CTTN: variants seen among roughly 807,000 people sequenced by gnomAD.
The protein encoded by CTTN is src substrate cortactin.
A neutral mutation model predicts 84.0 loss-of-function variants in CTTN; 28 were observed. The ratio of observed to expected loss-of-function variants is 0.33; its 90% CI spans 0.25 to 0.46. CTTN has a LOEUF of 0.46. Among genes scored for constraint, CTTN ranks in the 20% least tolerant of loss-of-function variants. The pLI is 1.00. For missense variants in CTTN, 641 were observed against 723.8 expected, an observed-to-expected ratio of 0.89 and a Z score of 1.31; for synonymous variants, 301 against 288.8, an observed-to-expected ratio of 1.04 and a Z score of -0.43.
intron 4 of CTTN, chr11:70,408,005 G>T (rs1224689863): frequency 2.3e-5 from 4 of 175,168 alleles, no homozygotes; most frequent in Non-Finnish European, 4.9e-5. Context: ...ATCTGGAAAT[G>T]ATTATGTGTT....
chr11:70,417,159 G>GCTCCAGAAACACCCA (rs745630985), intron 8 of CTTN, 36 bp downstream of exon 8: 5 of 1,532,264 alleles, frequency 3.3e-6, no homozygotes, highest in African/African-American at 1.4e-5. Flanking sequence ...TCACGCGTTT[G>GCTCCAGAAACACCCA]CTCCAGAAAC....
chr11:70,402,604 G>A (rs1036968578), intron 1 of CTTN, among the ~76,000 whole-genome samples: 4 of 152,204 alleles, frequency 2.6e-5, no homozygotes, highest in Admixed American at 1.3e-4. Flanking sequence ...TCTTTTGTGC[G>A]TGGTTTTCCT....
At position 70,433,166 on chromosome 11, in the gene CTTN, C is replaced by T. The variant is rs73518300; in HGVS notation, c.1332C>T (p.Pro444=). The T allele has an allele frequency of 3.4e-4, 543 of 1,613,738 alleles. 4 individuals are homozygous for T. In the African/African-American group the frequency reaches 6.4e-3, roughly 19 times the overall value. ...RGPVSGTEPE[P]VYSMEAADYR... ...CTGTGAGTGGGACGGAGCCGGAGCC[C>T]GTGTACAGCATGGAGGCCGCTGACT... The change falls in exon 16 of 18, where the codon CCC becomes CCT. Residue 444 remains proline (P), a synonymous_variant. Transcript: ENST00000301843.
chr11:70,422,670 GCTGCCCGCCGCCCCTCCTGCCCCTC>G, intron 11 of CTTN: 1 of 1,411,318 alleles, frequency 7.1e-7, no homozygotes. Flanking sequence ...GCTCCTGCCT[GCTGCCCGCCGCCCCTCCTGCCCCTC>G]CTGCCCCTCA....
chr11:70,422,975 C>T lies in CTTN; in HGVS notation c.937C>T (p.Gln313Ter). The change falls in exon 12 of 18, where the codon CAG (glutamine) becomes TAG (stop). Residue 313 changes from glutamine to a stop codon, truncating the protein, a stop_gained. Transcript: ENST00000301843. LOFTEE classifies it high-confidence loss of function. The stretch of plus-strand genomic sequence containing the variant: ...AGGATTCGGCGGGAAGTATGGGGTG[C>T]AGAAGGATCGGATGGATAAGGTAAA... ...SKGFGGKYGV[Q>*]KDRMDKNAST... is the part of the protein sequence containing the mutation. The T allele has an allele frequency of 6.2e-7, 1 of 1,613,916 alleles. No homozygotes were observed. The highest frequency in any genetic ancestry group is 8.5e-7 in the Non-Finnish European group (1 of 1,179,982).
At chr11:70,430,393 C>T (rs2058341599) in intron 14 of CTTN, among the ~76,000 whole-genome samples, 1 of 152,252 alleles carries the variant, frequency 6.6e-6, no homozygotes, top group Non-Finnish European at 1.5e-5. Flanking sequence ...GGTCAGAGGT[C>T]CTCAAAGATG....
At chr11:70,422,257 A>G in intron 11 of CTTN, 1 of 347,866 alleles carries the variant, frequency 2.9e-6, no homozygotes. Flanking sequence ...ATAATTGGAA[A>G]AACAGTAATT....
chr11:70,401,358 C>G (rs1167136804), intron 1 of CTTN, among the ~76,000 whole-genome samples: 1 of 152,044 alleles, frequency 6.6e-6, no homozygotes, highest in African/African-American at 2.4e-5. Flanking sequence ...TGCCTGTAGT[C>G]CCAGCCACTC....
intron 14 of CTTN, among the ~76,000 whole-genome samples, chr11:70,429,765 C>T (rs1162019158): frequency 2.6e-5 from 4 of 152,180 alleles, no homozygotes; most frequent in Non-Finnish European, 5.9e-5. Flanking sequence ...TGTCTGGGTG[C>T]TTTGGGTCTA....
intron 13 of CTTN, among the ~76,000 whole-genome samples, chr11:70,427,054 A>C (rs567923787): frequency 1.3e-5 from 2 of 152,154 alleles, no homozygotes; most frequent in East Asian, 3.9e-4. Context: ...GTTCACTTAA[A>C]AAGAATAAAC....
chr11:70,422,841 A>C, intron 11 of CTTN, 99 bp from the exon 12 acceptor site: 1 of 1,584,398 alleles, frequency 6.3e-7, no homozygotes, highest in Admixed American at 1.8e-5. Flanking sequence ...GCTGTGGTGC[A>C]CCTTCTTGGG....
rs2058082657 is a variant in CTTN, at chr11:70,410,109, A to T, written c.291+149A>T. The stretch of plus-strand genomic sequence containing the variant: ...ATTTGCCCGGAGTAGACCCCTGTTG[A>T]TTGGACTTACTCATGAAGTACTCTA... On this transcript the variant is annotated intron_variant, in intron 5 of 17. Coordinates refer to ENST00000301843, the MANE Select transcript of CTTN (RefSeq NM_005231.4). 7 of 772,786 alleles carry T rather than the reference A, an allele frequency of 9.1e-6. 1 individual carries two copies. The Admixed American group carries it at 1.7e-4, about 18-fold the overall frequency. 47.9% of individuals were successfully genotyped at this position (772,786 alleles called of 1,614,324 possible). A position where few individuals can be genotyped will look rare whatever the true frequency, so the allele number is the denominator to read the frequency against.
intron 13 of CTTN, among the ~76,000 whole-genome samples, chr11:70,427,051 TA>T (rs1385542185): frequency 2.6e-5 from 4 of 151,558 alleles, no homozygotes. Context: ...TTGGTTCACT[TA>T]AAAAGAATAA....
Position 70,414,525 on chromosome 11 carries a change from T to A in CTTN, c.292-17T>A, listed in dbSNP as rs1173555656. 8 of 1,600,136 alleles carry A rather than the reference T, an allele frequency of 5.0e-6. No individual in the cohort carries two copies. Among genetic ancestry groups the A allele is most frequent in the Non-Finnish European group, 6.9e-6 (8 of 1,167,718 alleles). On this transcript the variant is annotated splice_polypyrimidine_tract_variant and intron_variant, in intron 5 of 17. Coordinates refer to ENST00000301843, the MANE Select transcript of CTTN (RefSeq NM_005231.4). ...TGTTGTTGGTGTCTAATGCTTTGTGTTTGAACCCTGTTCCAGTCAGCTGTC... is the reference window on the plus strand; with the variant it reads ...TGTTGTTGGTGTCTAATGCTTTGTGATTGAACCCTGTTCCAGTCAGCTGTC...
intron 17 of CTTN, among the ~76,000 whole-genome samples, chr11:70,434,671 G>A (rs1298962835): frequency 6.6e-6 from 1 of 152,228 alleles, no homozygotes; most frequent in Non-Finnish European, 1.5e-5. Context: ...TTCCACTGCG[G>A]CCTCCGCAGC....
chr11:70,433,798 C>A, intron 17 of CTTN, 80 bp downstream of exon 17: 2 of 909,760 alleles, frequency 2.2e-6, no homozygotes, highest in Non-Finnish European at 3.7e-6. Context: ...GAATTCACTT[C>A]TCTAGCGTTG....
intron 15 of CTTN, among the ~76,000 whole-genome samples, chr11:70,432,534 G>A (rs892643758): frequency 3.9e-5 from 6 of 152,324 alleles, no homozygotes; most frequent in South Asian, 2.1e-4. Flanking sequence ...CAGAATTTTC[G>A]CTGGGGCTCC....
rs58189906 is a variant in CTTN at position 70,434,005 on chromosome 11, T to G, written c.1516+287T>G. Among the ~76,000 whole-genome samples the G allele has an allele frequency of 2.6e-5, 4 of 152,284 alleles. No homozygotes were observed. In the East Asian group the frequency reaches 7.7e-4, roughly 29 times the overall value. ...GCCACCCCCAAAGACTCCAGCGTGT[T>G]TCCCAAGATCAAAGATGCTGTCCCA... On this transcript the variant is annotated intron_variant, in intron 17 of 17. Coordinates refer to ENST00000301843, the MANE Select transcript of CTTN (RefSeq NM_005231.4).
intron 11 of CTTN, 122 bp from the exon 12 acceptor site, chr11:70,422,818 C>A (rs1460891742): frequency 4.6e-6 from 7 of 1,537,670 alleles, no homozygotes; most frequent in Non-Finnish European, 5.3e-6. Context: ...CTTGGCCATT[C>A]TCGTTTCTTC....
Sources: gnomAD v4.1 joint callset for allele counts (sites outside exome capture counted in the v4.1 genomes callset) on GRCh38, gnomAD v4.1.1 for gene constraint, MANE v1.5 for transcripts, NCBI Gene and HGNC (gene_info 2026-07-23, HGNC 2026-07-21) for gene names.